CBX3: variants seen among roughly 807,000 people sequenced by gnomAD.
CBX3 encodes chromobox 3.
In CBX3, 5 loss-of-function variants were observed where a neutral mutation model predicts 22.6. That is an observed-to-expected ratio of 0.22 (90% confidence interval 0.12 to 0.47). The LOEUF (loss-of-function observed/expected upper bound fraction) is 0.47. CBX3 is among the 20% of genes least tolerant of loss of function. The probability of loss-of-function intolerance (pLI) is 0.99; values close to 1 mark genes in which losing one functional copy is unlikely to be tolerated. For missense variants in CBX3, 83 were observed against 208.1 expected, an observed-to-expected ratio of 0.40 and a Z score of 3.70; for synonymous variants, 50 against 66.6, an observed-to-expected ratio of 0.75 and a Z score of 1.21.
intron 2 of CBX3, 183 bp from the exon 3 acceptor site, chr7:26,206,185 C>G: frequency 1.9e-6 from 1 of 519,288 alleles, no homozygotes; most frequent in South Asian, 2.8e-5. Flanking sequence ...ACTAAATGAA[C>G]AAGATAAAGC....
chr7:26,203,674 A>G (rs1784605224), intron 2 of CBX3, among the ~76,000 whole-genome samples: 1 of 152,220 alleles, frequency 6.6e-6, no homozygotes, highest in Non-Finnish European at 1.5e-5. Context: ...TATTCACATA[A>G]AAATCATGAA....
intron 3 of CBX3, 37 bp from the exon 4 acceptor site, chr7:26,208,356 T>G (rs369857587): frequency 4.0e-5 from 59 of 1,493,384 alleles, no homozygotes; most frequent in Middle Eastern, 3.5e-4. Flanking sequence ...CATATTTAAT[T>G]CAATCACCTT....
chr7:26,203,520 A>G (rs1035095583), intron 2 of CBX3, among the ~76,000 whole-genome samples: 1 of 152,230 alleles, frequency 6.6e-6, no homozygotes, highest in Non-Finnish European at 1.5e-5. Flanking sequence ...ACATAGAAGA[A>G]TATTAAGTTT....
intron 2 of CBX3, among the ~76,000 whole-genome samples, chr7:26,204,586 T>G (rs1208461593): frequency 6.6e-6 from 1 of 152,190 alleles, no homozygotes; most frequent in East Asian, 1.9e-4. Flanking sequence ...ACCTATATGC[T>G]TGCATAGCTT....
At chr7:26,203,158 A>G in intron 2 of CBX3, 136 bp downstream of exon 2, 1 of 683,832 alleles carries the variant, frequency 1.5e-6, no homozygotes, top group East Asian at 2.6e-5. Context: ...TTACAGGGGA[A>G]AATTAAGAGA....
chr7:26,206,297 CA>C, intron 2 of CBX3, 70 bp from the exon 3 acceptor site: 7 of 947,182 alleles, frequency 7.4e-6, no homozygotes, highest in Non-Finnish European at 1.1e-5. Context: ...ATAATATAAG[CA>C]ATTGAGCCTT....
chr7:26,205,896 G>A, intron 2 of CBX3: 1 of 154,798 alleles, frequency 6.5e-6, no homozygotes, highest in Non-Finnish European at 1.4e-5. Flanking sequence ...GACCAGCCTG[G>A]TCAACATGGT....
At position 26,212,681 on chromosome 7, in the gene CBX3, T is replaced by G. The variant is rs1784836435; in HGVS notation, c.*473T>G. The G allele has an allele frequency of 1.3e-5, 2 of 152,254 alleles. No homozygotes were observed. The highest frequency in any genetic ancestry group is 2.9e-5 in the Non-Finnish European group (2 of 68,054). 9.4% of individuals were successfully genotyped at this position (152,254 alleles called of 1,614,324 possible). ...TTCACCCAAACAAAAAAATCACAGG[T>G]AAACCCATGTTTCTGAGATGCCATT... On this transcript the variant is annotated 3_prime_UTR_variant, in exon 6 of 6. Transcript: ENST00000396386.
intron 4 of CBX3, among the ~76,000 whole-genome samples, chr7:26,209,265 G>A (rs1177274437): frequency 1.3e-5 from 2 of 152,000 alleles, no homozygotes; most frequent in Non-Finnish European, 2.9e-5. Context: ...CCTCTTAATC[G>A]TATTTTAAAT....
At chr7:26,202,266 C>G (rs1784516126) in intron 1 of CBX3, 1 of 152,038 alleles carries the variant, frequency 6.6e-6, no homozygotes, top group Non-Finnish European at 1.5e-5. Context: ...GCCCAGTTAA[C>G]GTGGCCGCCG....
Position 26,212,315 on chromosome 7 carries a change from G to C in CBX3, c.*107G>C. 1 of 697,144 alleles carries C rather than the reference G, an allele frequency of 1.4e-6. No individual in the cohort carries two copies. Among genetic ancestry groups the C allele is most frequent in the Non-Finnish European group, 1.9e-6 (1 of 521,426 alleles). 43.2% of individuals were successfully genotyped at this position (697,144 alleles called of 1,614,324 possible). ...ATAACTACATCCTAATGAAAATCAA[G>C]TTTGATATGTTTGTTTTGAAAGTAG... On this transcript the variant is annotated 3_prime_UTR_variant, in exon 6 of 6. Coordinates refer to ENST00000396386, the MANE Select transcript of CBX3 (RefSeq NM_016587.4).
At position 26,208,545 on chromosome 7, in the gene CBX3, A is replaced by G. The variant is rs779243081; in HGVS notation, c.320A>G (p.Lys107Arg). Residue 107 changes from lysine (K) to arginine (R), a missense_variant, in exon 4 of 6, where the codon AAA (lysine) becomes AGA (arginine). Around this residue, in one of 3 missense-constraint regions of CBX3, gnomAD observed 59 missense variants for 155.0 expected, o/e 0.38. Transcript: ENST00000396386. ...TCTGATGACAGCAAATCAAAGAAGA[A>G]AAGAGATGCTGTAAGTATAAAATAT... Reference protein sequence around the residue: ...SESDDSKSKKKRDAADKPRGF... With the variant: ...SESDDSKSKKRRDAADKPRGF... The G allele has an allele frequency of 6.2e-7, 1 of 1,608,872 alleles. No individual in the cohort carries two copies. Among genetic ancestry groups the G allele is most frequent in the Admixed American group, 1.7e-5 (1 of 59,502 alleles).
At chr7:26,203,968 T>C (rs865956247) in intron 2 of CBX3, among the ~76,000 whole-genome samples, 5 of 152,336 alleles carry the variant, frequency 3.3e-5, no homozygotes, top group South Asian at 4.1e-4. Flanking sequence ...GGGTCTGTTA[T>C]TGTATTTAGT....
chr7:26,208,859 C>T (rs1784739765), intron 4 of CBX3, among the ~76,000 whole-genome samples: 1 of 149,322 alleles, frequency 6.7e-6, no homozygotes, highest in Non-Finnish European at 1.5e-5. Flanking sequence ...ACCTCATGAT[C>T]CTCCCGCCTC....
At chr7:26,203,194 C>G (rs1019638835) in intron 2 of CBX3, among the ~76,000 whole-genome samples, 172 bp downstream of exon 2, 6 of 152,144 alleles carry the variant, frequency 3.9e-5, no homozygotes, top group African/African-American at 1.2e-4. Context: ...CAGGGAGATA[C>G]TGGCTTGGCT....
chr7:26,205,082 C>T (rs1407787225), intron 2 of CBX3, among the ~76,000 whole-genome samples: 1 of 152,204 alleles, frequency 6.6e-6, no homozygotes, highest in Non-Finnish European at 1.5e-5. Context: ...AGCCACTGCC[C>T]CCGGCAATAG....
intron 4 of CBX3, chr7:26,210,456 ATTAAC>A (rs1784777381): frequency 6.6e-6 from 1 of 152,222 alleles, no homozygotes; most frequent in Non-Finnish European, 1.5e-5. Flanking sequence ...AAAGAGGTTA[ATTAAC>A]TTGCCCAAAG....
At chr7:26,210,738 G>C (rs1196550778) in intron 4 of CBX3, among the ~76,000 whole-genome samples, 2 of 152,188 alleles carry the variant, frequency 1.3e-5, no homozygotes, top group African/African-American at 2.4e-5. Flanking sequence ...TAAAAAAGCT[G>C]AGAAGAGTAG....
chr7:26,203,676 A>G (rs989782292), intron 2 of CBX3, among the ~76,000 whole-genome samples: 5 of 152,212 alleles, frequency 3.3e-5, no homozygotes, highest in African/African-American at 1.2e-4. Context: ...TTCACATAAA[A>G]ATCATGAAAT....
Sources: allele counts gnomAD v4.1 joint callset (sites outside exome capture counted in the v4.1 genomes callset), GRCh38; gene constraint gnomAD v4.1.1; regional missense constraint gnomAD v4.1.1; transcripts MANE v1.5; gene names NCBI Gene and HGNC (gene_info 2026-07-23, HGNC 2026-07-21).